The following PTPRF variants were observed in gnomAD, a reference collection of about 807,000 sequenced individuals.
PTPRF encodes protein tyrosine phosphatase receptor type F, also known as receptor-type tyrosine-protein phosphatase F.
PTPRF carries 59 observed loss-of-function variants against 201.8 expected under a neutral mutation model. The observed-to-expected ratio is 0.29, with a 90% CI of 0.24 to 0.36. The LOEUF (loss-of-function observed/expected upper bound fraction) is 0.36. PTPRF is among the 10% of genes least tolerant of loss of function. The probability of loss-of-function intolerance (pLI) is 1.00; values close to 1 mark genes in which losing one functional copy is unlikely to be tolerated. For synonymous variants in PTPRF, 1,088 were observed against 1,089.7 expected, an observed-to-expected ratio of 1.00 and a Z score of 0.03; for missense variants, 2,132 against 2,690.5, an observed-to-expected ratio of 0.79 and a Z score of 4.59.
At position 43,603,619 on chromosome 1, in the gene PTPRF, C is replaced by G. The variant is rs756975863; in HGVS notation, c.2467C>G (p.Arg823Gly). The G allele has an allele frequency of 6.2e-7, 1 of 1,612,772 alleles. No homozygotes were observed. Among genetic ancestry groups the G allele is most frequent in the Admixed American group, 1.7e-5 (1 of 60,002 alleles). Residue 823 changes from arginine to glycine, a missense_variant, in exon 16 of 34, where the codon CGG (arginine) becomes GGG (glycine). Transcript: ENST00000359947. The surrounding 1 kb of genome is among the most constrained non-coding windows in gnomAD (Gnocchi z 5.8). ...IVTTTGAVPG[R>G]PTMMISTTAM... Reference sequence around the variant, plus strand: ...AGCCCGTGGTCCTTCAGTCCCAGGCCGGCCCACCATGATGATCAGCACCAC... The same window carrying G: ...AGCCCGTGGTCCTTCAGTCCCAGGCGGGCCCACCATGATGATCAGCACCAC...
chr1:43,616,339 T>A (rs993496543), intron 23 of PTPRF, among the ~76,000 whole-genome samples: 1 of 151,690 alleles, frequency 6.6e-6, no homozygotes, highest in Non-Finnish European at 1.5e-5. Context: ...TTATCATTAT[T>A]GCTCTCCGAG....
rs147874335 is a variant in PTPRF, at chr1:43,604,927, C to A, written c.3062C>A (p.Ala1021Glu). Residue 1021 changes from alanine to glutamate, a missense_variant, in exon 17 of 34, where the codon GCG becomes GAG. Ala to Glu is a moderately radical substitution (Grantham distance 107). This residue lies in a region of PTPRF where 818 missense variants were observed against 915.3 expected (regional missense o/e 0.89). Coordinates refer to ENST00000359947, the MANE Select transcript of PTPRF (RefSeq NM_002840.5). ...EQVFAKNFRV[A>E]AAMKTSVLLS... ...GTGTTTGCCAAGAACTTCCGGGTGG[C>A]GGCTGCAATGAAGACGTCTGTGCTG... 4.3e-6 allele frequency: 7 copies of A among 1,613,950 alleles called. No individual in the cohort carries two copies. In the Admixed American group the frequency reaches 5.0e-5, roughly 12 times the overall value.
At chr1:43,598,268 A>G (rs1431210932) in intron 12 of PTPRF, 1 of 513,916 alleles carries the variant, frequency 1.9e-6, no homozygotes. Flanking sequence ...AAACCTTCAC[A>G]GGCTAAGATG....
rs757485025 is a variant in PTPRF at position 43,621,974 on chromosome 1, C to T, written c.5695C>T (p.Leu1899Phe). ...QLCYRAALEY[L>F]GSFDHYAT ...GTGCTACCGTGCGGCCCTGGAGTACCTCGGCAGCTTTGACCACTATGCAAC... is the reference window on the plus strand; with the variant it reads ...GTGCTACCGTGCGGCCCTGGAGTACTTCGGCAGCTTTGACCACTATGCAAC... Residue 1899 changes from leucine to phenylalanine, a missense_variant, in exon 34 of 34, where the codon CTC (leucine) becomes TTC (phenylalanine). Coordinates refer to ENST00000359947, the MANE Select transcript of PTPRF (RefSeq NM_002840.5). The T allele has an allele frequency of 2.5e-6, 4 of 1,614,174 alleles. No individual in the cohort carries two copies. The highest frequency in any genetic ancestry group is 3.4e-6 in the Non-Finnish European group (4 of 1,180,030).
intron 7 of PTPRF, among the ~76,000 whole-genome samples, chr1:43,585,224 G>A (rs1648818755): frequency 6.6e-6 from 1 of 152,140 alleles, no homozygotes; most frequent in Non-Finnish European, 1.5e-5. Context: ...AGTGGGTGGA[G>A]GATGGTTGGG....
chr1:43,569,769 C>T lies in PTPRF; in HGVS notation c.559C>T (p.Leu187=). Residue 187 remains leucine (L), a synonymous_variant, in exon 6 of 34, where the codon CTG becomes TTG. Transcript: ENST00000359947. ...CACGAGCAACGGCCGCATCAAGCAGCTGCGTTCAGGTGAGCAGAGGGCAGG... is the reference window on the plus strand; with the variant it reads ...CACGAGCAACGGCCGCATCAAGCAGTTGCGTTCAGGTGAGCAGAGGGCAGG... The part of the protein sequence containing the change: ...PATSNGRIKQ[L]RSGALQIESS... The T allele has an allele frequency of 6.2e-7, 1 of 1,610,292 alleles. No homozygotes were observed. Among genetic ancestry groups the T allele is most frequent in the Non-Finnish European group, 8.5e-7 (1 of 1,177,590 alleles).
chr1:43,599,247 C>T (rs1279057621), intron 13 of PTPRF, among the ~76,000 whole-genome samples: 4 of 152,216 alleles, frequency 2.6e-5, no homozygotes, highest in African/African-American at 4.8e-5. Flanking sequence ...AGCCAATTTT[C>T]GTATTTTTAG....
rs561617137 is a variant in PTPRF, at chr1:43,586,882, A to G, written c.680-1849A>G. On this transcript the variant is annotated intron_variant, in intron 7 of 33. Transcript: ENST00000359947. Reference sequence around the variant, plus strand: ...GCGGAAGTCCAAAGGCTGTTTCTCCATAGTCAGATCTGGGTCACACACCCC... The same window carrying G: ...GCGGAAGTCCAAAGGCTGTTTCTCCGTAGTCAGATCTGGGTCACACACCCC... Among the ~76,000 whole-genome samples, 205 of 152,330 alleles carry G rather than the reference A, an allele frequency of 1.3e-3. 1 individual carries two copies. The highest frequency in any genetic ancestry group is 4.6e-3 in the African/African-American group (193 of 41,566).
intron 7 of PTPRF, among the ~76,000 whole-genome samples, chr1:43,582,227 A>G (rs1190674800): frequency 1.3e-5 from 2 of 152,214 alleles, no homozygotes; most frequent in African/African-American, 2.4e-5. Flanking sequence ...GCACATTGCC[A>G]GGCACACAGG....
At chr1:43,615,778 G>A (rs539767493) in intron 23 of PTPRF, among the ~76,000 whole-genome samples, 130 of 151,996 alleles carry the variant, frequency 8.6e-4, no homozygotes, top group African/African-American at 2.9e-3. Flanking sequence ...GTGTTAGCCA[G>A]GATGGTCTCG....
chr1:43,571,585 C>T (rs966310227), intron 6 of PTPRF, among the ~76,000 whole-genome samples: 1 of 152,204 alleles, frequency 6.6e-6, no homozygotes, highest in African/African-American at 2.4e-5. Context: ...GGTTTGAGAG[C>T]TCTCAAATGT....
intron 7 of PTPRF, chr1:43,583,062 C>T: frequency 1.0e-6 from 1 of 985,340 alleles, no homozygotes; most frequent in Non-Finnish European, 1.2e-6. Flanking sequence ...CTGCCATCAA[C>T]CCAAACTCTC....
intron 6 of PTPRF, chr1:43,576,015 A>T: frequency 8.1e-7 from 1 of 1,238,710 alleles, no homozygotes; most frequent in Non-Finnish European, 1.1e-6. Flanking sequence ...TCACCTCCCC[A>T]TCCCCATCCC....
chr1:43,581,935 T>TA (rs1274502074), intron 7 of PTPRF, among the ~76,000 whole-genome samples: 4 of 152,166 alleles, frequency 2.6e-5, no homozygotes, highest in African/African-American at 9.7e-5. Flanking sequence ...TTTAGCAGCA[T>TA]CTCTAGCTCA....
chr1:43,583,573 G>T (rs1648313968), intron 7 of PTPRF, among the ~76,000 whole-genome samples: 2 of 152,198 alleles, frequency 1.3e-5, no homozygotes. Flanking sequence ...AAGGCGAGAG[G>T]CTAGAGCAGG....
intron 7 of PTPRF, among the ~76,000 whole-genome samples, chr1:43,585,964 C>T (rs898924344): frequency 6.6e-6 from 1 of 152,234 alleles, no homozygotes; most frequent in African/African-American, 2.4e-5. Flanking sequence ...GCAGCGTCCT[C>T]TCCTGCCAGC....
intron 11 of PTPRF, among the ~76,000 whole-genome samples, chr1:43,595,489 G>A (rs1652028947): frequency 6.6e-6 from 1 of 152,174 alleles, no homozygotes; most frequent in South Asian, 2.1e-4. Flanking sequence ...CAAGGTGCTG[G>A]GATTACAGGC....
At chr1:43,582,291 GC>G (rs1355743619) in intron 7 of PTPRF, among the ~76,000 whole-genome samples, 1 of 152,252 alleles carries the variant, frequency 6.6e-6, no homozygotes, top group Non-Finnish European at 1.5e-5. Flanking sequence ...CTAGTCAGTA[GC>G]CTCTCGGATA....
rs1649803141 is a variant in PTPRF at position 43,588,657 on chromosome 1, T to G, written c.680-74T>G. On this transcript the variant is annotated intron_variant, in intron 7 of 33. Transcript: ENST00000359947. The surrounding 1 kb of genome is among the most constrained non-coding windows in gnomAD (Gnocchi z 5.3). ...GCTCTGACCAGAGGGGCTTCCTGAA[T>G]GAGGGGCCCCTGCCCTTCCATGCAG... 1.3e-6 allele frequency: 2 copies of G among 1,563,496 alleles called. No homozygotes were observed. Among genetic ancestry groups the G allele is most frequent in the Non-Finnish European group, 1.7e-6 (2 of 1,154,616 alleles).
Sources: gnomAD v4.1 joint callset for allele counts (sites outside exome capture counted in the v4.1 genomes callset) on GRCh38, gnomAD v4.1.1 for gene constraint, gnomAD v4.1.1 regional missense constraint, Gnocchi (gnomAD v3.1) non-coding constraint, MANE v1.5 for transcripts, NCBI Gene and HGNC (gene_info 2026-07-23, HGNC 2026-07-21) for gene names.